The following ANO3 variants were observed in gnomAD, a reference collection of about 807,000 sequenced individuals.
ANO3 encodes anoctamin-3.
In ANO3, 99 loss-of-function variants were observed where a neutral mutation model predicts 144.8. The observed-to-expected ratio is 0.68, with a 90% confidence interval of 0.58 to 0.81. The LOEUF is 0.81. ANO3 is among the 30% of genes least tolerant of loss of function. The probability of loss-of-function intolerance (pLI) is 0.00; values close to 1 mark genes in which losing one functional copy is unlikely to be tolerated. For synonymous variants in ANO3, 414 were observed against 392.6 expected, an observed-to-expected ratio of 1.05 and a Z score of -0.64; for missense variants, 905 against 1,202.2, an observed-to-expected ratio of 0.75 and a Z score of 3.66.
At chr11:26,649,518 C>G (rs933352549) in intron 24 of ANO3, among the ~76,000 whole-genome samples, 3 of 152,136 alleles carry the variant, frequency 2.0e-5, no homozygotes, top group Non-Finnish European at 4.4e-5. Flanking sequence ...GTGGGCAGAT[C>G]GCAAGGTCAG....
At chr11:26,617,254 G>A (rs1852287962) in intron 17 of ANO3, among the ~76,000 whole-genome samples, 1 of 152,100 alleles carries the variant, frequency 6.6e-6, no homozygotes, top group Admixed American at 6.6e-5. Flanking sequence ...TAAAATCACA[G>A]TTGATTCTCA....
At chr11:26,593,238 A>G (rs1851504945) in intron 14 of ANO3, among the ~76,000 whole-genome samples, 1 of 152,122 alleles carries the variant, frequency 6.6e-6, no homozygotes, top group Non-Finnish European at 1.5e-5. Flanking sequence ...CTGTATACAT[A>G]TTTACCCTTT....
intron 1 of ANO3, among the ~76,000 whole-genome samples, chr11:26,299,904 T>C (rs1227464486): frequency 6.6e-6 from 1 of 152,148 alleles, no homozygotes; most frequent in Non-Finnish European, 1.5e-5. Flanking sequence ...ATTGCTTCAG[T>C]CTTCTCAGTG....
chr11:26,650,410 T>G (rs1853492931), intron 24 of ANO3, among the ~76,000 whole-genome samples: 1 of 152,204 alleles, frequency 6.6e-6, no homozygotes, highest in South Asian at 2.1e-4. Context: ...GCAGTCCTTC[T>G]TAACATGTGG....
intron 1 of ANO3, among the ~76,000 whole-genome samples, chr11:26,282,385 G>T (rs1162433815): frequency 6.6e-6 from 1 of 151,544 alleles, no homozygotes; most frequent in Non-Finnish European, 1.5e-5. Flanking sequence ...AGGAAACTCA[G>T]ACATAAACTT....
intron 5 of ANO3, among the ~76,000 whole-genome samples, chr11:26,511,866 A>G (rs1252250874): frequency 6.6e-6 from 1 of 152,240 alleles, no homozygotes; most frequent in African/African-American, 2.4e-5. Flanking sequence ...AAAGATCAAG[A>G]TGGTGGTGGG....
At chr11:26,319,627 A>G (rs372671436) in intron 1 of ANO3, among the ~76,000 whole-genome samples, 20 of 152,188 alleles carry the variant, frequency 1.3e-4, no homozygotes, top group African/African-American at 4.6e-4. Context: ...TGCCAAATCA[A>G]TGTATGATAA....
chr11:26,622,857 A>T (rs1852461111), intron 17 of ANO3, among the ~76,000 whole-genome samples: 1 of 152,242 alleles, frequency 6.6e-6, no homozygotes. Context: ...CCAAATGGCA[A>T]TTATTGAACT....
chr11:26,404,168 A>G (rs1475456725), intron 1 of ANO3, among the ~76,000 whole-genome samples: 1 of 151,994 alleles, frequency 6.6e-6, no homozygotes, highest in South Asian at 2.1e-4. Context: ...CACAGTGTCT[A>G]TCACATAGTA....
chr11:26,307,000 C>T (rs913655550), upstream of ANO3, among the ~76,000 whole-genome samples: 4 of 149,306 alleles, frequency 2.7e-5, no homozygotes, highest in African/African-American at 9.8e-5. Flanking sequence ...TAAACTATGA[C>T]TTTTTTTTTT....
intron 4 of ANO3, among the ~76,000 whole-genome samples, chr11:26,486,377 A>AAAAAAAAG (rs780384502): frequency 2.0e-5 from 3 of 149,650 alleles, no homozygotes; most frequent in African/African-American, 7.5e-5. Context: ...AAAAAAAAAA[A>AAAAAAAAG]AAGGAAGTCA....
chr11:26,491,185 A>G (rs1195448585), intron 4 of ANO3, among the ~76,000 whole-genome samples: 1 of 152,162 alleles, frequency 6.6e-6, no homozygotes, highest in Non-Finnish European at 1.5e-5. Flanking sequence ...GGAAATGGTG[A>G]AACAGTGAAA....
chr11:26,405,584 A>C (rs1244979381), intron 1 of ANO3, among the ~76,000 whole-genome samples: 1 of 151,832 alleles, frequency 6.6e-6, no homozygotes, highest in Admixed American at 6.6e-5. Context: ...ACCCTCTATA[A>C]ATGTCATGCA....
At chr11:26,350,163 C>T (rs1451752434) in intron 1 of ANO3, among the ~76,000 whole-genome samples, 1 of 152,054 alleles carries the variant, frequency 6.6e-6, no homozygotes, top group African/African-American at 2.4e-5. Context: ...CTATTGATAC[C>T]AGGAACTCAA....
chr11:26,311,430 A>G lies in ANO3; in HGVS notation c.-3+1711A>G, dbSNP rs191609601. 1.8e-3 allele frequency among the ~76,000 whole-genome samples: 271 copies of G among 152,340 alleles called. 1 individual carries two copies. Among genetic ancestry groups the G allele is most frequent in the African/African-American group, 5.2e-3 (216 of 41,582 alleles). On this transcript the variant is annotated intron_variant, in intron 1 of 26. Transcript: ENST00000525139. ...CTCTTCATGATTCACAGATATTGGC[A>G]TAAGCCTTGAAACTAGTGAAATATA...
intron 14 of ANO3, among the ~76,000 whole-genome samples, chr11:26,567,915 T>C (rs903779033): frequency 1.3e-5 from 2 of 151,948 alleles, no homozygotes; most frequent in Non-Finnish European, 2.9e-5. Context: ...TGTGATTTCA[T>C]GTATATAAAG....
intron 23 of ANO3, among the ~76,000 whole-genome samples, chr11:26,644,949 G>A (rs1454755232): frequency 1.3e-5 from 2 of 151,510 alleles, no homozygotes; most frequent in East Asian, 1.9e-4. Context: ...CTTTATTTTG[G>A]ATAAGGTTTT....
At chr11:26,422,623 A>G (rs1299292248) in intron 1 of ANO3, among the ~76,000 whole-genome samples, 1 of 152,058 alleles carries the variant, frequency 6.6e-6, no homozygotes, top group Non-Finnish European at 1.5e-5. Context: ...TCAGAGCTAC[A>G]CATGCTTACC....
intron 24 of ANO3, among the ~76,000 whole-genome samples, chr11:26,649,261 AT>A (rs977484583): frequency 7.2e-5 from 11 of 152,200 alleles, no homozygotes; most frequent in Non-Finnish European, 4.4e-5. Context: ...TCATGTACAC[AT>A]TTTAAAGGTA....
Sources: gnomAD v4.1 joint callset for allele counts (sites outside exome capture counted in the v4.1 genomes callset) on GRCh38, gnomAD v4.1.1 for gene constraint, MANE v1.5 for transcripts, NCBI Gene and HGNC (gene_info 2026-07-23, HGNC 2026-07-21) for gene names.